TMEM131L: variants seen among roughly 807,000 people sequenced by gnomAD.
TMEM131L encodes the protein transmembrane 131 like.
Under a neutral mutation model 192.2 loss-of-function variants are expected in TMEM131L, and 54 were observed. That is an observed-to-expected ratio of 0.28 (90% CI 0.23 to 0.35). TMEM131L has a LOEUF of 0.35. Ranked by LOEUF, TMEM131L falls within the 10% of genes least tolerant of loss-of-function variation. TMEM131L has a pLI of 1.00. For synonymous variants in TMEM131L, 701 were observed against 704.9 expected (o/e 0.99, Z 0.09); for missense variants, 1,888 against 1,972.9 (o/e 0.96, Z 0.82).
At chr4:153,617,591 C>T (rs998081736) in intron 26 of TMEM131L, among the ~76,000 whole-genome samples, 1 of 151,960 alleles carries the variant, frequency 6.6e-6, no homozygotes, top group East Asian at 1.9e-4. Context: ...GGCTGAAAAA[C>T]ACAAAAAAAA....
intron 4 of TMEM131L, among the ~76,000 whole-genome samples, chr4:153,552,530 A>G (rs1737703974): frequency 6.6e-6 from 1 of 152,006 alleles, no homozygotes; most frequent in Non-Finnish European, 1.5e-5. Context: ...CCTCCCATAT[A>G]CTTTAGATTA....
At chr4:153,499,577 C>G (rs1047078058) in intron 3 of TMEM131L, among the ~76,000 whole-genome samples, 1 of 152,168 alleles carries the variant, frequency 6.6e-6, no homozygotes, top group Non-Finnish European at 1.5e-5. Flanking sequence ...CAGGCACGCG[C>G]CACCATGCCC....
intron 3 of TMEM131L, among the ~76,000 whole-genome samples, chr4:153,543,751 C>G (rs539953217): frequency 6.6e-6 from 1 of 152,252 alleles, no homozygotes; most frequent in East Asian, 1.9e-4. Flanking sequence ...ACTAAGTATC[C>G]CATCAGACAC....
intron 3 of TMEM131L, among the ~76,000 whole-genome samples, chr4:153,511,959 A>C (rs936296384): frequency 1.3e-5 from 2 of 152,222 alleles, no homozygotes; most frequent in African/African-American, 4.8e-5. Context: ...TAAATACACA[A>C]ATTTTATTTG....
At chr4:153,572,680 C>T (rs1729669753) in intron 7 of TMEM131L, among the ~76,000 whole-genome samples, 1 of 152,146 alleles carries the variant, frequency 6.6e-6, no homozygotes, top group Non-Finnish European at 1.5e-5. Context: ...CTTGCCTTCC[C>T]CTTTCCCTAT....
intron 3 of TMEM131L, among the ~76,000 whole-genome samples, chr4:153,500,099 C>T (rs1733489590): frequency 6.6e-6 from 1 of 151,904 alleles, no homozygotes; most frequent in African/African-American, 2.4e-5. Context: ...CCCTCCCTCC[C>T]TTCTTTCTTT....
chr4:153,588,810 A>G, intron 15 of TMEM131L, 80 bp from the exon 16 acceptor site: 1 of 759,362 alleles, frequency 1.3e-6, no homozygotes, highest in Non-Finnish European at 2.3e-6. Context: ...TAAGAAGTTT[A>G]ATATTAAGCC....
At chr4:153,569,259 C>T (rs1729424438) in intron 7 of TMEM131L, among the ~76,000 whole-genome samples, 1 of 152,206 alleles carries the variant, frequency 6.6e-6, no homozygotes, top group African/African-American at 2.4e-5. Context: ...CAGCCCTGTG[C>T]TTTCACCTTC....
chr4:153,562,318 G>A (rs571709622), intron 7 of TMEM131L, among the ~76,000 whole-genome samples: 11 of 152,246 alleles, frequency 7.2e-5, no homozygotes, highest in Admixed American at 5.9e-4. Context: ...TTACAGGCAT[G>A]AGCCACCGCA....
intron 26 of TMEM131L, among the ~76,000 whole-genome samples, chr4:153,613,237 G>A (rs1047095960): frequency 1.3e-5 from 2 of 152,172 alleles, no homozygotes; most frequent in Admixed American, 6.5e-5. Context: ...ATGGAAGAAG[G>A]CATAATAAAG....
intron 3 of TMEM131L, among the ~76,000 whole-genome samples, chr4:153,509,516 C>T (rs1214859637): frequency 1.3e-5 from 2 of 152,088 alleles, no homozygotes; most frequent in Admixed American, 6.5e-5. Context: ...CACTTTAGAC[C>T]AGGAGTTTGA....
chr4:153,507,477 G>A (rs893615762), intron 3 of TMEM131L, among the ~76,000 whole-genome samples: 2 of 152,118 alleles, frequency 1.3e-5, no homozygotes, highest in Non-Finnish European at 2.9e-5. Flanking sequence ...CATTGCTGTG[G>A]ACTTCTGTTA....
chr4:153,631,282 A>G (rs894471859), intron 31 of TMEM131L, among the ~76,000 whole-genome samples: 1 of 152,212 alleles, frequency 6.6e-6, no homozygotes, highest in Admixed American at 6.5e-5. Flanking sequence ...ACTTCACTTC[A>G]GGTGCAGAGT....
chr4:153,615,097 C>T (rs1732883546), intron 26 of TMEM131L, among the ~76,000 whole-genome samples: 1 of 152,202 alleles, frequency 6.6e-6, no homozygotes, highest in African/African-American at 2.4e-5. Context: ...TCTGCATCAT[C>T]ATGTATTCAT....
At chr4:153,477,877 A>G (rs1731659870) in intron 3 of TMEM131L, among the ~76,000 whole-genome samples, 1 of 152,196 alleles carries the variant, frequency 6.6e-6, no homozygotes, top group Non-Finnish European at 1.5e-5. Context: ...GGTTTTCAGC[A>G]TATTCAGAGT....
At chr4:153,613,529 AT>A (rs1248059475) in intron 26 of TMEM131L, among the ~76,000 whole-genome samples, 16 of 152,278 alleles carry the variant, frequency 1.1e-4, no homozygotes, top group African/African-American at 3.8e-4. Flanking sequence ...CCTTAGAGAG[AT>A]CCTTAGGGAA....
chr4:153,552,737 G>A (rs1737719367), intron 4 of TMEM131L, among the ~76,000 whole-genome samples: 1 of 152,072 alleles, frequency 6.6e-6, no homozygotes, highest in Non-Finnish European at 1.5e-5. Context: ...ATGAGGCTGA[G>A]GCAGGAGGAT....
At position 153,621,855 on chromosome 4, in the gene TMEM131L, T is replaced by C; in HGVS notation, c.3859+6T>C. 1.2e-6 allele frequency: 2 copies of C among 1,613,556 alleles called. No individual in the cohort carries two copies. Among genetic ancestry groups the C allele is most frequent in the Non-Finnish European group, 1.7e-6 (2 of 1,179,646 alleles). ...TGCTGCCCAGAGAGAGGCAGGTATG[T>C]AATGATACTGAGCTACAAATGGTGC... On this transcript the variant is annotated splice_donor_region_variant and intron_variant, in intron 28 of 34. Transcript: ENST00000409959.
intron 3 of TMEM131L, among the ~76,000 whole-genome samples, chr4:153,516,738 T>C (rs971170490): frequency 1.3e-5 from 2 of 152,240 alleles, no homozygotes; most frequent in Admixed American, 1.3e-4. Context: ...TATACCCTTA[T>C]GCTAATGTCT....
Sources: gnomAD v4.1 joint callset for allele counts (sites outside exome capture counted in the v4.1 genomes callset) on GRCh38, gnomAD v4.1.1 for gene constraint, MANE v1.5 for transcripts, NCBI Gene and HGNC (gene_info 2026-07-23, HGNC 2026-07-21) for gene names.